The following UGT2A1 variants were observed in gnomAD, a reference collection of about 807,000 sequenced individuals.
The protein encoded by UGT2A1 is UDP glucuronosyltransferase family 2 member A1 complex locus, also known as UDP-glucuronosyltransferase 2A1.
UGT2A1 carries 61 observed loss-of-function variants against 45.4 expected under a neutral mutation model. The ratio of observed to expected loss-of-function variants is 1.34; its 90% confidence interval spans 1.09 to 1.66. UGT2A1 has a LOEUF of 1.66. Ranked by LOEUF, UGT2A1 falls within the 40% of genes most tolerant of loss-of-function variation. The pLI is 0.00. For synonymous variants in UGT2A1, 229 were observed against 196.2 expected, an observed-to-expected ratio of 1.17 and a Z score of -1.40; for missense variants, 649 against 574.3, an observed-to-expected ratio of 1.13 and a Z score of -1.33.
chr4:69,599,202 T>C lies in UGT2A1; in HGVS notation c.996+44A>G, dbSNP rs143472824. On this transcript the variant is annotated intron_variant, in intron 4 of 6. Coordinates refer to ENST00000286604, the MANE Select transcript of UGT2A1 (RefSeq NM_001252275.3). ...ATAAACTTTAAAAGAAAATTAAGTA[T>C]TTTATTATGAAGAGCATAAAATCCT... 8.6e-4 allele frequency: 1,341 copies of C among 1,556,458 alleles called. 14 individuals carry two copies. The African/African-American group carries it at 0.014, about 17-fold the overall frequency.
chr4:69,596,388 A>G, intron 4 of UGT2A1: 3 of 1,570,008 alleles, frequency 1.9e-6, no homozygotes, highest in Non-Finnish European at 2.6e-6. Context: ...TTTCCTGCAT[A>G]CATAATATAT....
chr4:69,648,402 C>T (rs1275571595), intron 1 of UGT2A1, among the ~76,000 whole-genome samples: 10 of 151,766 alleles, frequency 6.6e-5, no homozygotes, highest in Admixed American at 4.6e-4. Context: ...AAGAGAATTA[C>T]TAAGTCAAGC....
At position 69,605,872 on chromosome 4, in the gene UGT2A1, G is replaced by T. The variant is rs1176294985; in HGVS notation, c.848-6478C>A. 4.4e-5 allele frequency among the ~76,000 whole-genome samples: 6 copies of T among 136,756 alleles called. 1 individual carries two copies. Among genetic ancestry groups the T allele is most frequent in the Non-Finnish European group, 9.3e-5 (6 of 64,368 alleles). The allele number at this position is 136,756 out of a possible 152,430, so 89.7% of individuals were successfully genotyped here. ...CGTACACCCTCCCAAGACTAAATCA[G>T]GAAGACATTGAATCTCTGAATAGAC... On this transcript the variant is annotated intron_variant, in intron 3 of 6. Transcript: ENST00000286604.
intron 2 of UGT2A1, chr4:69,639,205 C>G (rs1174980964): frequency 6.2e-7 from 1 of 1,613,622 alleles, no homozygotes; most frequent in East Asian, 2.2e-5. Context: ...TGAAGTCTTG[C>G]CATCAACTTT....
chr4:69,643,072 G>C (rs1463869255), intron 2 of UGT2A1, among the ~76,000 whole-genome samples: 2 of 151,400 alleles, frequency 1.3e-5, no homozygotes, highest in African/African-American at 4.8e-5. Context: ...AGTTAGAGGT[G>C]ACTTAGAAAG....
In UGT2A1 at chr4:69,596,118, G is replaced by A. The variant is rs572881505; in HGVS notation, c.997-869C>T. On this transcript the variant is annotated intron_variant, in intron 4 of 6. Coordinates refer to ENST00000286604, the MANE Select transcript of UGT2A1 (RefSeq NM_001252275.3). ...ACACAATTTTAATATATTACACAAC[G>A]TTACTTACAACTGTTACTAGTGATA... is the stretch of plus-strand genomic sequence containing the variant. 67 of 1,258,562 alleles carry A rather than the reference G, an allele frequency of 5.3e-5. 1 individual carries two copies. The East Asian group carries it at 5.7e-4, about 11-fold the overall frequency. The allele number at this position is 1,258,562 out of a possible 1,614,324, so 78.0% of individuals were successfully genotyped here.
rs763320521 is a variant in UGT2A1 at position 69,647,535 on chromosome 4, T to C, written c.110A>G (p.Lys37Arg). 6.2e-7 allele frequency: 1 copy of C among 1,612,832 alleles called. No homozygotes were observed. Among genetic ancestry groups the C allele is most frequent in the Admixed American group, 1.7e-5 (1 of 59,824 alleles). Residue 37 changes from lysine to arginine, a missense_variant, in exon 2 of 7, where the codon AAG becomes AGG. Transcript: ENST00000286604. ...PMEGSHWLNV[K>R]IIIDELIKKE... The stretch of plus-strand genomic sequence containing the variant: ...TTTAATGAGCTCATCTATAATTATC[T>C]TAACATTTAGCCAATGACTACCTTC...
At position 69,594,582 on chromosome 4, in the gene UGT2A1, T is replaced by G. The variant is rs750143267; in HGVS notation, c.1199A>C (p.Asn400Thr). ...GVPMFADQPD[N>T]IAHMKAKGAA... ...TCCTTTGGCCTTCATGTGAGCAATG[T>G]TATCAGGCTGATCAGCAAACATGGG... Residue 400 changes from asparagine (N) to threonine (T), a missense_variant, in exon 6 of 7, where the codon AAC (asparagine) becomes ACC (threonine). By Grantham distance (65) the Asn-to-Thr change is moderately conservative. Coordinates refer to ENST00000286604, the MANE Select transcript of UGT2A1 (RefSeq NM_001252275.3). The G allele has an allele frequency of 2.5e-6, 4 of 1,614,146 alleles. No homozygotes were observed. The East Asian group carries it at 8.9e-5, about 36-fold the overall frequency.
intron 6 of UGT2A1, among the ~76,000 whole-genome samples, chr4:69,592,844 A>T (rs1560465485): frequency 6.6e-6 from 1 of 152,088 alleles, no homozygotes; most frequent in Admixed American, 6.6e-5. Context: ...AAACTGGATA[A>T]TTTTTTATCT....
intron 3 of UGT2A1, among the ~76,000 whole-genome samples, chr4:69,626,026 T>C (rs1172012165): frequency 6.6e-6 from 1 of 151,728 alleles, no homozygotes; most frequent in African/African-American, 2.4e-5. Flanking sequence ...AATTCTATCA[T>C]GTATGTCATG....
At chr4:69,646,570 G>C (rs1372034685) in intron 2 of UGT2A1, among the ~76,000 whole-genome samples, 1 of 151,738 alleles carries the variant, frequency 6.6e-6, no homozygotes, top group Non-Finnish European at 1.5e-5. Context: ...TAATAAGCTT[G>C]TGGAAAGTTT....
At position 69,647,393 on chromosome 4, in the gene UGT2A1, T is replaced by A. The variant is rs374817928; in HGVS notation, c.252A>T (p.Glu84Asp). ...TCAAAACGAAGTCCTTAATTACTCCTTCTATTCTTTCTTTGCCAAAGGGCA... is the reference window on the plus strand; with the variant it reads ...TCAAAACGAAGTCCTTAATTACTCCATCTATTCTTTCTTTGCCAAAGGGCA... Reference protein sequence around the residue: ...YKVPFGKERIEGVIKDFVLTW... With the variant: ...YKVPFGKERIDGVIKDFVLTW... The change falls in exon 2 of 7, where the codon GAA becomes GAT. Residue 84 changes from glutamate to aspartate, a missense_variant. By Grantham distance (45) the Glu-to-Asp change is conservative (BLOSUM62 2). Transcript: ENST00000286604. 1.9e-6 allele frequency: 3 copies of A among 1,613,146 alleles called. No homozygotes were observed. Among genetic ancestry groups the A allele is most frequent in the Non-Finnish European group, 2.5e-6 (3 of 1,179,490 alleles).
chr4:69,652,018 C>T (rs535633294), intron 1 of UGT2A1, among the ~76,000 whole-genome samples: 2 of 152,240 alleles, frequency 1.3e-5, no homozygotes, highest in Non-Finnish European at 2.9e-5. Context: ...TCCTTTCTTT[C>T]CTGTTCTAAA....
intron 4 of UGT2A1, among the ~76,000 whole-genome samples, chr4:69,598,760 A>T (rs1376690449): frequency 6.6e-6 from 1 of 152,140 alleles, no homozygotes; most frequent in Non-Finnish European, 1.5e-5. Flanking sequence ...CAACTGTCTA[A>T]TAAATTCTCA....
chr4:69,599,210 T>G, intron 4 of UGT2A1, 36 bp downstream of exon 4: 1 of 1,575,838 alleles, frequency 6.3e-7, no homozygotes, highest in Non-Finnish European at 8.6e-7. Flanking sequence ...TATTTTATTA[T>G]GAAGAGCATA....
intron 3 of UGT2A1, among the ~76,000 whole-genome samples, chr4:69,608,145 C>G (rs540668610): frequency 1.1e-4 from 17 of 152,214 alleles, no homozygotes; most frequent in Non-Finnish European, 1.8e-4. Flanking sequence ...GCGCTATTCA[C>G]AATAGCAAAG....
At chr4:69,644,033 G>A (rs1722149353) in intron 2 of UGT2A1, among the ~76,000 whole-genome samples, 1 of 151,574 alleles carries the variant, frequency 6.6e-6, no homozygotes, top group Non-Finnish European at 1.5e-5. Context: ...AGAATATTGT[G>A]TTTTAATAAA....
chr4:69,634,923 G>A (rs1039416252), intron 3 of UGT2A1, among the ~76,000 whole-genome samples: 7 of 152,034 alleles, frequency 4.6e-5, no homozygotes, highest in Non-Finnish European at 7.4e-5. Flanking sequence ...ACTGTTAAGA[G>A]ATTTGTTTTC....
At chr4:69,638,868 A>T (rs1378746611) in intron 2 of UGT2A1, 1 of 1,513,934 alleles carries the variant, frequency 6.6e-7, no homozygotes, top group South Asian at 1.3e-5. Flanking sequence ...AGGGATGTGG[A>T]GTCATTAAAA....
Sources: allele counts gnomAD v4.1 joint callset (sites outside exome capture counted in the v4.1 genomes callset), GRCh38; gene constraint gnomAD v4.1.1; transcripts MANE v1.5; gene names NCBI Gene and HGNC (gene_info 2026-07-23, HGNC 2026-07-21).